CENPE: variants seen among roughly 807,000 people sequenced by gnomAD.
CENPE encodes the protein centromere-associated protein E.
A neutral mutation model predicts 336.1 loss-of-function variants in CENPE; 145 were observed. That is an observed-to-expected ratio of 0.43 (90% CI 0.38 to 0.50). CENPE has a LOEUF of 0.50. CENPE is among the 20% of genes least tolerant of loss of function. The pLI, the probability that CENPE is intolerant of heterozygous loss-of-function variation, is 0.00. For synonymous variants in CENPE, 1,013 were observed against 984.8 expected (o/e 1.03, Z -0.54); for missense variants, 2,719 against 3,023.3 (o/e 0.90, Z 2.36).
intron 42 of CENPE, among the ~76,000 whole-genome samples, chr4:103,130,342 A>G (rs1435897989): frequency 6.6e-6 from 1 of 152,236 alleles, no homozygotes; most frequent in Admixed American, 6.5e-5. Flanking sequence ...AAAAGTCAAT[A>G]TACGAAAGTT....
intron 24 of CENPE, 137 bp downstream of exon 24, chr4:103,158,163 G>C: frequency 3.3e-6 from 2 of 612,598 alleles, no homozygotes; most frequent in Non-Finnish European, 5.1e-6. Context: ...AGGCATTAGG[G>C]ATAAGCTTGT....
In CENPE at chr4:103,132,789, T is replaced by A; in HGVS notation, c.6828A>T (p.Leu2276Phe). ...KEMTQFLEEW[L>F]NTRFDIEKLK... Reference sequence around the variant, plus strand: ...GCTTTTCTATATCAAAACGAGTATTTAACCACTCTTCCAAAAACTGTGTCA... The same window carrying A: ...GCTTTTCTATATCAAAACGAGTATTAAACCACTCTTCCAAAAACTGTGTCA... Residue 2276 changes from leucine (L) to phenylalanine (F), a missense_variant, in exon 42 of 49, where the codon TTA becomes TTT. Coordinates refer to ENST00000265148, the MANE Select transcript of CENPE (RefSeq NM_001813.3). 6.3e-7 allele frequency: 1 copy of A among 1,579,054 alleles called. No homozygotes were observed. Among genetic ancestry groups the A allele is most frequent in the Non-Finnish European group, 8.7e-7 (1 of 1,153,646 alleles).
intron 13 of CENPE, among the ~76,000 whole-genome samples, chr4:103,178,309 T>TC (rs1161989451): frequency 6.6e-6 from 1 of 152,088 alleles, no homozygotes; most frequent in Non-Finnish European, 1.5e-5. Flanking sequence ...AATATTCCCT[T>TC]CCCCCTTGTC....
intron 46 of CENPE, among the ~76,000 whole-genome samples, chr4:103,112,424 TATATACTTATAC>T (rs1351264760): frequency 1.0e-5 from 1 of 98,336 alleles, no homozygotes; most frequent in African/African-American, 3.6e-5. Flanking sequence ...TGTATATACT[TATATACTTATAC>T]ATACATATAC....
intron 18 of CENPE, among the ~76,000 whole-genome samples, chr4:103,162,439 T>C (rs1254876795): frequency 6.6e-6 from 1 of 152,194 alleles, no homozygotes; most frequent in Admixed American, 6.5e-5. Flanking sequence ...CAAGATCTTA[T>C]ATCAACTAAA....
rs1749137010 is a variant in CENPE, at chr4:103,108,911, C to G, written c.7903G>C (p.Val2635Leu). The change falls in exon 48 of 49, where the codon GTG (valine) becomes CTG (leucine). Residue 2635 changes from valine to leucine, a missense_variant. By Grantham distance (32) the Val-to-Leu change is conservative. Around this residue, in one of 5 missense-constraint regions of CENPE, gnomAD observed 2,437 missense variants for 2,513.3 expected, o/e 0.97. Transcript: ENST00000265148. ...QCKERNLQDP[V>L]PKESPKSCFF... ...CAAGATTTTGGTGATTCCTTTGGCA[C>G]AGGATCTTGTAAATTCCGTTCCTTG... The G allele has an allele frequency of 6.2e-7, 1 of 1,613,910 alleles. No homozygotes were observed. The highest frequency in any genetic ancestry group is 8.5e-7 in the Non-Finnish European group (1 of 1,179,860).
intron 1 of CENPE, among the ~76,000 whole-genome samples, chr4:103,197,672 C>G (rs951118106): frequency 6.6e-6 from 1 of 152,200 alleles, no homozygotes; most frequent in Non-Finnish European, 1.5e-5. Context: ...TGCTTTTTCT[C>G]CCTAGCACTT....
intron 8 of CENPE, among the ~76,000 whole-genome samples, chr4:103,188,308 A>G (rs1165352861): frequency 3.3e-5 from 5 of 152,240 alleles, no homozygotes; most frequent in African/African-American, 9.6e-5. Context: ...ATAGACATCT[A>G]TAGAACTCTC....
intron 48 of CENPE, among the ~76,000 whole-genome samples, chr4:103,108,446 G>A (rs564724623): frequency 6.6e-6 from 1 of 152,238 alleles, no homozygotes; most frequent in Admixed American, 6.5e-5. Flanking sequence ...CTTGGGTAAA[G>A]TAAATATAAT....
chr4:103,145,694 A>G lies in CENPE; in HGVS notation c.4414-13T>C, dbSNP rs1429037908. On this transcript the variant is annotated splice_polypyrimidine_tract_variant and intron_variant, in intron 30 of 48. Coordinates refer to ENST00000265148, the MANE Select transcript of CENPE (RefSeq NM_001813.3). ...CAGTTTCCAGGTGCTTTATTATTAG[A>G]GGAAATTCCAATAAATTTATAGAAA... is the stretch of plus-strand genomic sequence containing the variant. The G allele has an allele frequency of 1.3e-6, 2 of 1,560,684 alleles. No individual in the cohort carries two copies. Among genetic ancestry groups the G allele is most frequent in the South Asian group, 2.5e-5 (2 of 81,142 alleles).
At chr4:103,115,269 G>T (rs968145730) in intron 45 of CENPE, among the ~76,000 whole-genome samples, 1 of 152,056 alleles carries the variant, frequency 6.6e-6, no homozygotes, top group Non-Finnish European at 1.5e-5. Flanking sequence ...GAGTAGCTGG[G>T]ATTACAGGCA....
At chr4:103,138,548 T>G (rs1455149877) in intron 38 of CENPE, 99 bp from the exon 39 acceptor site, 4 of 771,352 alleles carry the variant, frequency 5.2e-6, no homozygotes, top group Non-Finnish European at 9.0e-6. Flanking sequence ...ATTTCAATAA[T>G]GGAATTAAAT....
intron 42 of CENPE, among the ~76,000 whole-genome samples, chr4:103,131,039 A>G (rs772136400): frequency 9.2e-5 from 14 of 152,140 alleles, no homozygotes; most frequent in African/African-American, 1.4e-4. Context: ...GGGTTTGGTG[A>G]TATTTTAGAT....
At chr4:103,165,754 C>T (rs547483381) in intron 16 of CENPE, among the ~76,000 whole-genome samples, 20 of 151,772 alleles carry the variant, frequency 1.3e-4, no homozygotes, top group Non-Finnish European at 2.4e-4. Flanking sequence ...GAGGCCGAGG[C>T]GAGCAGATCA....
In CENPE at chr4:103,159,242, C is replaced by T; in HGVS notation, c.2369G>A (p.Arg790Lys). ...AATTTCTTCAAGTAAACCTTGAACT[C>T]TACTCTCCTTATGAACTACTTCAGA... ...LFSEVVHKES[R>K]VQGLLEEIGK... Residue 790 changes from arginine (R) to lysine (K), a missense_variant, in exon 22 of 49, where the codon AGA (arginine) becomes AAA (lysine). Around this residue, in one of 5 missense-constraint regions of CENPE, gnomAD observed 2,437 missense variants for 2,513.3 expected, o/e 0.97. Transcript: ENST00000265148. 2.5e-6 allele frequency: 4 copies of T among 1,607,262 alleles called. No homozygotes were observed. The highest frequency in any genetic ancestry group is 2.6e-6 in the Non-Finnish European group (3 of 1,175,232).
At chr4:103,109,850 A>C (rs1356518313) in intron 47 of CENPE, among the ~76,000 whole-genome samples, 6 of 152,162 alleles carry the variant, frequency 3.9e-5, no homozygotes, top group Non-Finnish European at 7.4e-5. Context: ...CATTTAGGAT[A>C]CCACTCCATA....
chr4:103,141,173 G>A, intron 35 of CENPE, 69 bp from the exon 36 acceptor site: 1 of 901,556 alleles, frequency 1.1e-6, no homozygotes, highest in Non-Finnish European at 1.7e-6. Flanking sequence ...TTTCTAAATT[G>A]ATTAAGACAA....
intron 46 of CENPE, among the ~76,000 whole-genome samples, chr4:103,113,972 A>C (rs866134893): frequency 6.6e-5 from 10 of 152,192 alleles, no homozygotes; most frequent in African/African-American, 2.4e-4. Context: ...ACAGATCTAA[A>C]AAGTATCTCA....
intron 16 of CENPE, among the ~76,000 whole-genome samples, chr4:103,165,630 G>C (rs6810571): frequency 6.6e-6 from 1 of 151,816 alleles, no homozygotes; most frequent in Non-Finnish European, 1.5e-5. Flanking sequence ...TGCAAAACTG[G>C]TTTTGAACAG....
Sources: allele counts gnomAD v4.1 joint callset (sites outside exome capture counted in the v4.1 genomes callset), GRCh38; gene constraint gnomAD v4.1.1; regional missense constraint gnomAD v4.1.1; transcripts MANE v1.5; gene names NCBI Gene and HGNC (gene_info 2026-07-23, HGNC 2026-07-21).